The following DOCK1 variants were observed in gnomAD, a reference collection of about 807,000 sequenced individuals.
The protein encoded by DOCK1 is dedicator of cytokinesis 1.
Under a neutral mutation model 262.7 loss-of-function variants are expected in DOCK1, and 138 were observed. The ratio of observed to expected loss-of-function variants is 0.53; its 90% confidence interval spans 0.46 to 0.61. The LOEUF is 0.61. DOCK1 is among the 20% of genes least tolerant of loss of function. The probability of loss-of-function intolerance (pLI) is 0.00; values close to 1 mark genes in which losing one functional copy is unlikely to be tolerated. For synonymous variants in DOCK1, 866 were observed against 867.4 expected, an observed-to-expected ratio of 1.00 and a Z score of 0.03; for missense variants, 1,908 against 2,370.7, an observed-to-expected ratio of 0.80 and a Z score of 4.05.
chr10:127,102,174 G>A (rs1218061067), intron 23 of DOCK1, among the ~76,000 whole-genome samples: 3 of 152,142 alleles, frequency 2.0e-5, no homozygotes, highest in African/African-American at 7.2e-5. Context: ...AAGTTGAAGT[G>A]TGGCGGTTTT....
At chr10:126,960,344 G>A (rs1488923970) in intron 1 of DOCK1, among the ~76,000 whole-genome samples, 2 of 151,874 alleles carry the variant, frequency 1.3e-5, no homozygotes, top group Non-Finnish European at 2.9e-5. Flanking sequence ...GAGGCTAGAG[G>A]AGGGGTCCTC....
intron 23 of DOCK1, among the ~76,000 whole-genome samples, chr10:127,074,890 G>A (rs753015331): frequency 1.3e-5 from 2 of 152,124 alleles, no homozygotes; most frequent in Non-Finnish European, 2.9e-5. Flanking sequence ...GGCCGGGTGC[G>A]GTGGCTCACA....
chr10:126,997,846 G>A (rs1591584541), intron 7 of DOCK1: 3 of 486,082 alleles, frequency 6.2e-6, no homozygotes, highest in Non-Finnish European at 1.1e-5. Flanking sequence ...TTATTGGATG[G>A]ACACCTGAAA....
chr10:127,167,636 T>A (rs995320747), intron 27 of DOCK1, among the ~76,000 whole-genome samples: 6 of 152,106 alleles, frequency 3.9e-5, no homozygotes, highest in Non-Finnish European at 8.8e-5. Context: ...TGGACCATGT[T>A]CCTTTCATAT....
chr10:126,952,077 T>A (rs2036298096), intron 1 of DOCK1, among the ~76,000 whole-genome samples: 1 of 152,012 alleles, frequency 6.6e-6, no homozygotes, highest in African/African-American at 2.4e-5. Flanking sequence ...ATCAATTTCT[T>A]GACCTTGTGA....
chr10:127,052,709 G>A lies in DOCK1; in HGVS notation c.2230G>A (p.Val744Met). ...GTTGACAAAAGTGTTGAAGAACTAC[G>A]TGGACGGTGCTGAGAAGCCGGGAGT... ...TKLTKVLKNY[V>M]DGAEKPGVNE... Residue 744 changes from valine to methionine, a missense_variant, in exon 22 of 52, where the codon GTG becomes ATG. Val to Met is a conservative substitution (Grantham distance 21, BLOSUM62 1). Coordinates refer to ENST00000623213, the MANE Select transcript of DOCK1 (RefSeq NM_001290223.2). 2 of 1,613,924 alleles carry A rather than the reference G, an allele frequency of 1.2e-6. No homozygotes were observed. The highest frequency in any genetic ancestry group is 1.7e-6 in the Non-Finnish European group (2 of 1,179,898).
intron 29 of DOCK1, among the ~76,000 whole-genome samples, chr10:127,313,501 G>A (rs777492028): frequency 6.6e-5 from 10 of 152,168 alleles, no homozygotes; most frequent in African/African-American, 2.2e-4. Flanking sequence ...CAAGTAAAAT[G>A]TTTCCTCCTT....
intron 27 of DOCK1, among the ~76,000 whole-genome samples, chr10:127,193,427 C>T (rs115976163): frequency 2.5e-4 from 38 of 152,276 alleles, no homozygotes; most frequent in African/African-American, 8.9e-4. Flanking sequence ...TGCCCTCCTA[C>T]GTAAATATCT....
At chr10:127,386,792 T>G (rs1190123600) in intron 38 of DOCK1, among the ~76,000 whole-genome samples, 1 of 152,040 alleles carries the variant, frequency 6.6e-6, no homozygotes, top group Non-Finnish European at 1.5e-5. Context: ...ATGGAAAAAT[T>G]TTCCTCCCTG....
At position 127,419,946 on chromosome 10, in the gene DOCK1, A is replaced by G. The variant is rs368863846; in HGVS notation, c.4776+197A>G. On this transcript the variant is annotated intron_variant, in intron 46 of 51. Transcript: ENST00000623213. ...CTGGGCTGCAGTCAGGAATTTGAAC[A>G]CCCAGAAAATTATCTCTTGCAAATG... 3.9e-5 allele frequency among the ~76,000 whole-genome samples: 6 copies of G among 152,290 alleles called. No homozygotes were observed. In the East Asian group the frequency reaches 1.2e-3, roughly 29 times the overall value.
Position 126,995,170 on chromosome 10 carries a change from G to A in DOCK1, c.474-1578G>A, listed in dbSNP as rs892852176. On this transcript the variant is annotated intron_variant, in intron 6 of 51. Coordinates refer to ENST00000623213, the MANE Select transcript of DOCK1 (RefSeq NM_001290223.2). This position sits in a 1 kb window ranked among gnomAD's most constrained non-coding sequence, Gnocchi z 5.8. ...TCACTTCTAGACGGGATGACGGCCG[G>A]GAAGAGGCGCTCCTCACTTCCCAGA... 6.6e-6 allele frequency among the ~76,000 whole-genome samples: 1 copy of A among 151,584 alleles called. No individual in the cohort carries two copies. The highest frequency in any genetic ancestry group is 1.5e-5 in the Non-Finnish European group (1 of 67,916).
intron 29 of DOCK1, among the ~76,000 whole-genome samples, chr10:127,278,864 C>T (rs1206570235): frequency 3.3e-5 from 5 of 152,198 alleles, no homozygotes; most frequent in Non-Finnish European, 2.9e-5. Context: ...AGATCTGTTA[C>T]TTACAAGGTG....
intron 27 of DOCK1, among the ~76,000 whole-genome samples, chr10:127,201,064 A>G (rs2057431873): frequency 6.6e-6 from 1 of 152,210 alleles, no homozygotes; most frequent in Non-Finnish European, 1.5e-5. Flanking sequence ...AAAGTAACTC[A>G]TATCGCCTTC....
intron 20 of DOCK1, 103 bp downstream of exon 20, chr10:127,042,817 C>A: frequency 8.2e-7 from 1 of 1,217,416 alleles, no homozygotes; most frequent in Non-Finnish European, 1.2e-6. Context: ...ACCTTGAACG[C>A]ATTTTCAGTT....
intron 23 of DOCK1, among the ~76,000 whole-genome samples, chr10:127,084,991 G>A (rs1240021484): frequency 6.6e-6 from 1 of 152,156 alleles, no homozygotes; most frequent in African/African-American, 2.4e-5. Context: ...CTTGTTCGTT[G>A]TCCTCTGATT....
At chr10:126,918,385 G>C (rs1210154903) in intron 1 of DOCK1, among the ~76,000 whole-genome samples, 1 of 152,258 alleles carries the variant, frequency 6.6e-6, no homozygotes, top group Non-Finnish European at 1.5e-5. Flanking sequence ...CCTGTGCCCA[G>C]CTGGTGTGCT....
intron 51 of DOCK1, among the ~76,000 whole-genome samples, chr10:127,447,941 A>G (rs951277020): frequency 6.6e-6 from 1 of 152,214 alleles, no homozygotes; most frequent in African/African-American, 2.4e-5. Flanking sequence ...GAGGTTGGCC[A>G]ATATCGCCCT....
chr10:127,303,389 G>A (rs2061757307), intron 29 of DOCK1, among the ~76,000 whole-genome samples: 1 of 152,188 alleles, frequency 6.6e-6, no homozygotes, highest in Admixed American at 6.5e-5. Flanking sequence ...TAGAGCCAAA[G>A]TCAATGCCTA....
chr10:127,342,098 CTGCTGCTGCTGCTGCTGTTGTTGT>C (rs879533056), intron 30 of DOCK1, among the ~76,000 whole-genome samples: 4,532 of 117,342 alleles, frequency 0.039, 183 homozygotes, highest in Admixed American at 0.098. Context: ...GTTGTTGTTG[CTGCTGCTGCTGCTGCTGTTGTTGT>C]TAAAGGGAGC....
Sources: allele counts gnomAD v4.1 joint callset (sites outside exome capture counted in the v4.1 genomes callset), GRCh38; gene constraint gnomAD v4.1.1; non-coding constraint Gnocchi (gnomAD v3.1); transcripts MANE v1.5; gene names NCBI Gene and HGNC (gene_info 2026-07-23, HGNC 2026-07-21).